Variants in TENM4 observed in about 807,000 individuals in gnomAD.
TENM4 encodes the protein teneurin-4.
A neutral mutation model predicts 243.3 loss-of-function variants in TENM4; 82 were observed. The observed-to-expected ratio is 0.34, with a 90% CI of 0.28 to 0.40. The LOEUF is 0.40. TENM4 is among the 10% of genes least tolerant of loss of function. The pLI, the probability that TENM4 is intolerant of heterozygous loss-of-function variation, is 1.00. For missense variants in TENM4, 3,138 were observed against 3,673.3 expected, an observed-to-expected ratio of 0.85 and a Z score of 3.77; for synonymous variants, 1,412 against 1,456.3, an observed-to-expected ratio of 0.97 and a Z score of 0.69.
rs566428997 is a variant in TENM4 at position 79,387,213 on chromosome 11, A to G, written c.-321+53296T>C. Among the ~76,000 whole-genome samples the G allele has an allele frequency of 3.3e-5, 5 of 152,346 alleles. No individual in the cohort carries two copies. The East Asian group carries it at 9.6e-4, about 29-fold the overall frequency. The stretch of plus-strand genomic sequence containing the variant: ...AAAATGGGCCAACCAAATCTATAGT[A>G]TTCTAAGTCTGGATAGCAGTTAACT... On this transcript the variant is annotated intron_variant, in intron 1 of 33. Coordinates refer to ENST00000278550, the MANE Select transcript of TENM4 (RefSeq NM_001098816.3).
chr11:79,047,918 A>G (rs890640787), intron 6 of TENM4, among the ~76,000 whole-genome samples: 1 of 138,672 alleles, frequency 7.2e-6, no homozygotes, highest in Non-Finnish European at 1.5e-5. Context: ...TAATTATTAA[A>G]TAAATAATTA....
intron 6 of TENM4, among the ~76,000 whole-genome samples, chr11:78,959,433 C>A (rs1857271920): frequency 6.6e-6 from 1 of 152,136 alleles, no homozygotes; most frequent in Non-Finnish European, 1.5e-5. Flanking sequence ...AATCTTCACT[C>A]ACTAGTGCTG....
intron 9 of TENM4, among the ~76,000 whole-genome samples, chr11:78,873,828 T>C (rs931422645): frequency 2.6e-5 from 4 of 152,114 alleles, no homozygotes; most frequent in African/African-American, 7.2e-5. Context: ...GGAGTCTCAC[T>C]TTGTGTGGAT....
At chr11:79,174,928 C>A (rs1863127443) in intron 3 of TENM4, among the ~76,000 whole-genome samples, 1 of 152,216 alleles carries the variant, frequency 6.6e-6, no homozygotes, top group Admixed American at 6.5e-5. Flanking sequence ...CTTCACTACA[C>A]TCTCCTCAGC....
chr11:79,393,875 C>T (rs143205268), intron 1 of TENM4, among the ~76,000 whole-genome samples: 77 of 152,274 alleles, frequency 5.1e-4, no homozygotes, highest in Middle Eastern at 3.4e-3. Flanking sequence ...GAGCAGATGG[C>T]TGTCTGGCTC....
intron 12 of TENM4, among the ~76,000 whole-genome samples, chr11:78,845,490 G>A (rs549433696): frequency 1.3e-5 from 2 of 152,220 alleles, no homozygotes; most frequent in South Asian, 4.2e-4. Flanking sequence ...CCATCTATCT[G>A]GTCAGCTCTA....
chr11:79,124,994 G>C (rs938962558), intron 4 of TENM4, among the ~76,000 whole-genome samples: 5 of 149,884 alleles, frequency 3.3e-5, no homozygotes, highest in Admixed American at 6.7e-5. Flanking sequence ...ACCAGGAGTG[G>C]TTCTAGAGAA....
chr11:78,786,930 C>A lies in TENM4; in HGVS notation c.2333G>T (p.Ser778Ile). The A allele has an allele frequency of 6.2e-7, 1 of 1,609,012 alleles. No individual in the cohort carries two copies. The highest frequency in any genetic ancestry group is 1.1e-5 in the South Asian group (1 of 89,616). The change falls in exon 16 of 34, where the codon AGC becomes ATC. Residue 778 changes from serine (S) to isoleucine (I), a missense_variant. Ser to Ile is a moderately radical substitution (Grantham distance 142). Transcript: ENST00000278550. ...GTCRDGKCEC[S>I]PGWNGEHCTI... is the part of the protein sequence containing the mutation. ...GCAGTGTTCGCCATTCCAGCCAGGG[C>A]TGCACTCGCACTTGCCGTCGCGGCA...
At chr11:79,070,106 G>T in intron 4 of TENM4, 97 bp from the exon 5 acceptor site, 2 of 1,396,086 alleles carry the variant, frequency 1.4e-6, no homozygotes, top group Non-Finnish European at 9.4e-7. Context: ...TGTGGACAGA[G>T]AACCCCAGGC....
intron 17 of TENM4, among the ~76,000 whole-genome samples, chr11:78,774,850 A>G (rs771007645): frequency 6.6e-5 from 10 of 152,194 alleles, no homozygotes; most frequent in Admixed American, 1.3e-4. Flanking sequence ...TACCTGGTGG[A>G]TGCTGGACTT....
At chr11:79,164,368 T>A (rs1202462559) in intron 3 of TENM4, among the ~76,000 whole-genome samples, 4 of 108,834 alleles carry the variant, frequency 3.7e-5, no homozygotes, top group African/African-American at 1.3e-4. Context: ...ATATACTATA[T>A]ATAATATATA....
intron 25 of TENM4, among the ~76,000 whole-genome samples, chr11:78,717,527 G>T (rs943385331): frequency 3.3e-5 from 5 of 152,192 alleles, no homozygotes; most frequent in Admixed American, 6.5e-5. Flanking sequence ...TATAGCCTCA[G>T]TTTTCTGAAG....
intron 6 of TENM4, among the ~76,000 whole-genome samples, chr11:78,996,392 A>G (rs1299493054): frequency 6.6e-6 from 1 of 152,206 alleles, no homozygotes; most frequent in Non-Finnish European, 1.5e-5. Flanking sequence ...CACAGAACAC[A>G]TGAGTAAAGC....
At chr11:79,060,451 C>T (rs913730742) in intron 6 of TENM4, among the ~76,000 whole-genome samples, 21 of 152,238 alleles carry the variant, frequency 1.4e-4, no homozygotes, top group African/African-American at 4.1e-4. Context: ...AAGCCTCTAC[C>T]GCTATCAATA....
At chr11:78,752,166 C>T (rs940524358) in intron 19 of TENM4, among the ~76,000 whole-genome samples, 1 of 152,200 alleles carries the variant, frequency 6.6e-6, no homozygotes, top group African/African-American at 2.4e-5. Context: ...ATTAAACCTG[C>T]ATTAAACACC....
chr11:79,130,152 C>T (rs1036496702), intron 4 of TENM4, among the ~76,000 whole-genome samples: 9 of 152,076 alleles, frequency 5.9e-5, no homozygotes, highest in Non-Finnish European at 1.0e-4. Context: ...CATTGCAGTT[C>T]GGCTTACAGG....
intron 15 of TENM4, among the ~76,000 whole-genome samples, chr11:78,789,988 G>A (rs1398212015): frequency 6.6e-6 from 1 of 152,080 alleles, no homozygotes; most frequent in African/African-American, 2.4e-5. Flanking sequence ...CCACTTCAGA[G>A]GCTTCTTCCT....
chr11:79,012,892 A>C (rs1384430573), intron 6 of TENM4, among the ~76,000 whole-genome samples: 1 of 152,120 alleles, frequency 6.6e-6, no homozygotes, highest in Non-Finnish European at 1.5e-5. Context: ...CAAGATGGCT[A>C]AAAAGTAGCC....
intron 6 of TENM4, among the ~76,000 whole-genome samples, chr11:78,996,299 C>A (rs539532170): frequency 6.6e-6 from 1 of 152,274 alleles, no homozygotes; most frequent in East Asian, 1.9e-4. Flanking sequence ...ATCCAACTAT[C>A]ATGAAAAGAA....
Sources: allele counts gnomAD v4.1 joint callset (sites outside exome capture counted in the v4.1 genomes callset), GRCh38; gene constraint gnomAD v4.1.1; transcripts MANE v1.5; gene names NCBI Gene and HGNC (gene_info 2026-07-23, HGNC 2026-07-21).